The following CBLB variants were observed in gnomAD, a reference collection of about 807,000 sequenced individuals.
CBLB encodes E3 ubiquitin-protein ligase CBL-B.
In CBLB, 31 loss-of-function variants were observed where a neutral mutation model predicts 104.9. The observed-to-expected ratio is 0.30, with a 90% confidence interval of 0.22 to 0.40. CBLB has a LOEUF of 0.40. CBLB is among the 10% of genes least tolerant of loss of function. The pLI, the probability that CBLB is intolerant of heterozygous loss-of-function variation, is 1.00. For synonymous variants in CBLB, 440 were observed against 422.6 expected, an observed-to-expected ratio of 1.04 and a Z score of -0.51; for missense variants, 1,062 against 1,214.6, an observed-to-expected ratio of 0.87 and a Z score of 1.87.
chr3:105,760,985 C>T (rs551994014), intron 4 of CBLB, among the ~76,000 whole-genome samples: 211 of 152,132 alleles, frequency 1.4e-3, no homozygotes, highest in Non-Finnish European at 2.7e-3. Flanking sequence ...AGTCTATTAC[C>T]GAAATGTAAA....
chr3:105,745,564 AAT>A (rs1189397854), intron 6 of CBLB, among the ~76,000 whole-genome samples: 2 of 152,206 alleles, frequency 1.3e-5, no homozygotes, highest in African/African-American at 4.8e-5. Context: ...AGCCTAAATG[AAT>A]GTCTTAAAAA....
intron 2 of CBLB, among the ~76,000 whole-genome samples, chr3:105,866,510 C>G (rs1382158619): frequency 6.6e-6 from 1 of 152,072 alleles, no homozygotes; most frequent in Non-Finnish European, 1.5e-5. Flanking sequence ...TAATGTGTTC[C>G]AAACATTTAC....
intron 3 of CBLB, among the ~76,000 whole-genome samples, chr3:105,814,819 C>T (rs569167637): frequency 1.3e-5 from 2 of 152,014 alleles, no homozygotes; most frequent in Non-Finnish European, 2.9e-5. Context: ...TCCCTCATGT[C>T]CAATGAATAT....
Position 105,868,678 on chromosome 3 carries a change from C to A in CBLB, c.-15+58G>T, listed in dbSNP as rs552336556. The A allele has an allele frequency of 3.4e-5, 34 of 990,986 alleles. No individual in the cohort carries two copies. The South Asian group carries it at 1.3e-3, about 38-fold the overall frequency. The allele number at this position is 990,986 out of a possible 1,614,324, so 61.4% of individuals were successfully genotyped here. ...CTCCTTGGCCCGCGCCTGGCTACCC[C>A]GGGCCCCCGGGCCGGCAAGAAGTGT... is the stretch of plus-strand genomic sequence containing the variant. On this transcript the variant is annotated intron_variant, in intron 1 of 18. Transcript: ENST00000394030.
At chr3:105,829,400 T>C (rs546539915) in intron 3 of CBLB, among the ~76,000 whole-genome samples, 3 of 152,236 alleles carry the variant, frequency 2.0e-5, no homozygotes, top group Admixed American at 1.3e-4. Context: ...GACTCATGCC[T>C]GTGATCTTGA....
intron 3 of CBLB, among the ~76,000 whole-genome samples, chr3:105,840,134 AT>A (rs2089320643): frequency 6.6e-6 from 1 of 152,232 alleles, no homozygotes; most frequent in Non-Finnish European, 1.5e-5. Flanking sequence ...GGTTTTCAGC[AT>A]CTGTAAAATG....
intron 5 of CBLB, among the ~76,000 whole-genome samples, chr3:105,746,681 C>T (rs1031815705): frequency 1.3e-5 from 2 of 152,170 alleles, no homozygotes; most frequent in African/African-American, 4.8e-5. Context: ...TTGCCATATT[C>T]TTCACCTCCC....
intron 3 of CBLB, among the ~76,000 whole-genome samples, chr3:105,840,923 G>A (rs1464672652): frequency 6.6e-6 from 1 of 151,298 alleles, no homozygotes; most frequent in Non-Finnish European, 1.5e-5. Context: ...AAAGGATAAT[G>A]AGCTTGAAAT....
chr3:105,841,966 C>T (rs1348746667), intron 3 of CBLB, among the ~76,000 whole-genome samples: 1 of 150,704 alleles, frequency 6.6e-6, no homozygotes, highest in Non-Finnish European at 1.5e-5. Flanking sequence ...CTTTCAGGAA[C>T]ATTTGTGTAT....
rs1435585535 is a variant in CBLB, at chr3:105,828,425, T to C, written c.419+24989A>G. ...AAACGACAAAACAATTTTCATTAAA[T>C]ATTAAATGCTGTTTCACTGAGTGGA... On this transcript the variant is annotated intron_variant, in intron 3 of 18. Coordinates refer to ENST00000394030, the MANE Select transcript of CBLB (RefSeq NM_170662.5). 3.9e-5 allele frequency among the ~76,000 whole-genome samples: 6 copies of C among 152,242 alleles called. No homozygotes were observed. In the East Asian group the frequency reaches 9.6e-4, roughly 24 times the overall value.
intron 12 of CBLB, among the ~76,000 whole-genome samples, chr3:105,694,357 G>A (rs1410004937): frequency 6.6e-6 from 1 of 151,974 alleles, no homozygotes; most frequent in African/African-American, 2.4e-5. Context: ...GCGGTTATGA[G>A]AGGATAATTT....
At chr3:105,831,319 CTGAGCA>C (rs2087481363) in intron 3 of CBLB, among the ~76,000 whole-genome samples, 1 of 152,152 alleles carries the variant, frequency 6.6e-6, no homozygotes, top group African/African-American at 2.4e-5. Flanking sequence ...TATCTCCTAC[CTGAGCA>C]TTAGCTTGGG....
chr3:105,844,839 C>T (rs1335930613), intron 3 of CBLB, among the ~76,000 whole-genome samples: 1 of 152,124 alleles, frequency 6.6e-6, no homozygotes, highest in Non-Finnish European at 1.5e-5. Context: ...ACTCTTGAGG[C>T]TATAGGATTA....
Position 105,734,001 on chromosome 3 carries a change from G to A in CBLB, c.1203+8C>T, listed in dbSNP as rs76710340. The stretch of plus-strand genomic sequence containing the variant: ...TAAGAAAGACATCCATGTTGCTAAT[G>A]ATTATACCTGCCATGCCGTAAGGCA... On this transcript the variant is annotated splice_region_variant and intron_variant, in intron 9 of 18. Transcript: ENST00000394030. 1.8e-5 allele frequency: 29 copies of A among 1,613,020 alleles called. No homozygotes were observed. Among genetic ancestry groups the A allele is most frequent in the Non-Finnish European group, 2.5e-5 (29 of 1,179,140 alleles).
intron 9 of CBLB, among the ~76,000 whole-genome samples, chr3:105,726,674 G>A (rs112397802): frequency 0.017 from 2,654 of 151,906 alleles, 71 homozygotes; most frequent in African/African-American, 0.06. Flanking sequence ...ATCTACATTA[G>A]GTATGTCTCC....
At chr3:105,784,887 C>T (rs1192060374) in intron 3 of CBLB, among the ~76,000 whole-genome samples, 1 of 152,198 alleles carries the variant, frequency 6.6e-6, no homozygotes, top group African/African-American at 2.4e-5. Flanking sequence ...TCCAAATGGT[C>T]TGCTTTCCGT....
At position 105,819,738 on chromosome 3, in the gene CBLB, A is replaced by G. The variant is rs907475425; in HGVS notation, c.419+33676T>C. ...CACTGTCTTACATAGAGAGTCTCAAACCATTCCAAAACTTCATTGATACAC... is the reference window on the plus strand; with the variant it reads ...CACTGTCTTACATAGAGAGTCTCAAGCCATTCCAAAACTTCATTGATACAC... On this transcript the variant is annotated intron_variant, in intron 3 of 18. Coordinates refer to ENST00000394030, the MANE Select transcript of CBLB (RefSeq NM_170662.5). 5.3e-5 allele frequency among the ~76,000 whole-genome samples: 8 copies of G among 152,292 alleles called. No homozygotes were observed. The South Asian group carries it at 1.7e-3, about 32-fold the overall frequency.
rs1411037837 is a variant in CBLB at position 105,670,726 on chromosome 3, T to C, written c.2570-374A>G. 3.1e-5 allele frequency: 7 copies of C among 227,804 alleles called. No individual in the cohort carries two copies. The East Asian group carries it at 8.6e-4, about 28-fold the overall frequency. 14.1% of individuals were successfully genotyped at this position (227,804 alleles called of 1,614,324 possible). ...AAAGCAAAAAACAAACAAACAAATA[T>C]ACATAAAACCATGGGTTTGGATCCT... On this transcript the variant is annotated intron_variant, in intron 17 of 18. Coordinates refer to ENST00000394030, the MANE Select transcript of CBLB (RefSeq NM_170662.5).
chr3:105,710,186 CA>C (rs2070855427), intron 10 of CBLB, among the ~76,000 whole-genome samples: 3 of 151,776 alleles, frequency 2.0e-5, no homozygotes, highest in Admixed American at 2.0e-4. Flanking sequence ...CTGACTTTTT[CA>C]TGGTAGAGAT....
Sources: gnomAD v4.1 joint callset for allele counts (sites outside exome capture counted in the v4.1 genomes callset) on GRCh38, gnomAD v4.1.1 for gene constraint, MANE v1.5 for transcripts, NCBI Gene and HGNC (gene_info 2026-07-23, HGNC 2026-07-21) for gene names.